Variants in XXYLT1 observed in about 807,000 individuals in gnomAD.
XXYLT1 encodes xyloside xylosyltransferase 1, also known as UDP-xylose:alpha-xyloside alpha-1,3-xylosyltransferase.
XXYLT1 carries 20 observed loss-of-function variants against 28.9 expected under a neutral mutation model. The observed-to-expected ratio is 0.69, with a 90% CI of 0.49 to 1.00. The LOEUF is 1.00. Among genes scored for constraint, XXYLT1 ranks in the 50% least tolerant of loss-of-function variants. XXYLT1 has a pLI of 0.00. For synonymous variants in XXYLT1, 257 were observed against 253.8 expected (o/e 1.01, Z -0.12); for missense variants, 542 against 560.1 (o/e 0.97, Z 0.33).
chr3:195,132,699 G>A (rs751557820), intron 3 of XXYLT1, among the ~76,000 whole-genome samples: 8 of 152,174 alleles, frequency 5.3e-5, no homozygotes, highest in South Asian at 2.1e-4. Context: ...AAGGAGGAAC[G>A]CCACGGTTTT....
intron 1 of XXYLT1, among the ~76,000 whole-genome samples, chr3:195,251,788 G>T (rs948332062): frequency 2.6e-5 from 4 of 152,218 alleles, no homozygotes; most frequent in African/African-American, 9.7e-5. Context: ...AAGAGAACAT[G>T]GAATGGGAAG....
At chr3:195,138,398 TA>T (rs1719306393) in intron 3 of XXYLT1, among the ~76,000 whole-genome samples, 2 of 152,262 alleles carry the variant, frequency 1.3e-5, no homozygotes, top group Non-Finnish European at 2.9e-5. Context: ...GGTCCTTGAC[TA>T]ATAAGGTCAT....
At chr3:195,156,378 G>C (rs1322815591) in intron 3 of XXYLT1, 71 bp downstream of exon 3, 1 of 1,574,192 alleles carries the variant, frequency 6.4e-7, no homozygotes, top group Non-Finnish European at 8.6e-7. Context: ...AATCTGTCAC[G>C]GCTGGCAGAA....
intron 3 of XXYLT1, among the ~76,000 whole-genome samples, chr3:195,116,339 T>C (rs1718041647): frequency 6.6e-6 from 1 of 152,204 alleles, no homozygotes; most frequent in Non-Finnish European, 1.5e-5. Context: ...CCAATTTTAA[T>C]GTTTCTGTGA....
chr3:195,223,503 A>G (rs1332030370), intron 2 of XXYLT1, among the ~76,000 whole-genome samples: 1 of 152,236 alleles, frequency 6.6e-6, no homozygotes, highest in African/African-American at 2.4e-5. Flanking sequence ...AGAATAGCCA[A>G]TGTAACAAGA....
chr3:195,244,431 G>A (rs1431580032), intron 1 of XXYLT1, among the ~76,000 whole-genome samples: 2 of 152,170 alleles, frequency 1.3e-5, no homozygotes, highest in African/African-American at 4.8e-5. Context: ...GAGATTCTGA[G>A]TCAGGGTCGG....
intron 3 of XXYLT1, among the ~76,000 whole-genome samples, chr3:195,103,422 G>A (rs1342444793): frequency 1.4e-5 from 2 of 148,104 alleles, no homozygotes; most frequent in Admixed American, 6.6e-5. Context: ...CCACGCCAGC[G>A]GCCTGCGTCC....
At chr3:195,153,426 T>A (rs79738899) in intron 3 of XXYLT1, among the ~76,000 whole-genome samples, 5,149 of 152,094 alleles carry the variant, frequency 0.034, 172 homozygotes, top group East Asian at 0.15. Context: ...TTATTAAAGG[T>A]CTCTGGAAAC....
chr3:195,270,384 G>GACACGCCCCCGA, intron 1 of XXYLT1, 171 bp downstream of exon 1: 1 of 970,052 alleles, frequency 1.0e-6, no homozygotes, highest in Non-Finnish European at 1.2e-6. Flanking sequence ...CTGGCTCCCG[G>GACACGCCCCCGA]ACACGCCCCC....
chr3:195,212,751 C>T (rs577891328), intron 2 of XXYLT1, among the ~76,000 whole-genome samples: 26 of 152,338 alleles, frequency 1.7e-4, no homozygotes, highest in African/African-American at 6.0e-4. Flanking sequence ...CCAACCACCC[C>T]TCGGTCCACT....
At chr3:195,219,325 G>C (rs988316203) in intron 2 of XXYLT1, among the ~76,000 whole-genome samples, 1 of 152,236 alleles carries the variant, frequency 6.6e-6, no homozygotes, top group Non-Finnish European at 1.5e-5. Context: ...CCATGGCAGT[G>C]AGTAAAAGTA....
intron 3 of XXYLT1, among the ~76,000 whole-genome samples, chr3:195,084,825 T>C (rs7630310): frequency 0.035 from 5,322 of 152,162 alleles, 313 homozygotes; most frequent in African/African-American, 0.12. Context: ...ACAGACACCC[T>C]CATCCTGGAG....
intron 3 of XXYLT1, among the ~76,000 whole-genome samples, chr3:195,100,824 A>G (rs1447273254): frequency 6.6e-6 from 1 of 152,186 alleles, no homozygotes; most frequent in African/African-American, 2.4e-5. Flanking sequence ...TTTCTGTCCT[A>G]TTAAACTGTG....
intron 2 of XXYLT1, among the ~76,000 whole-genome samples, chr3:195,226,273 TTTGCA>T (rs1390150115): frequency 5.9e-5 from 9 of 152,226 alleles, no homozygotes; most frequent in African/African-American, 2.2e-4. Context: ...ATGGTCGTAA[TTTGCA>T]CCTCTCACAT....
chr3:195,112,513 CCCACACACA>C (rs764690822), intron 3 of XXYLT1, among the ~76,000 whole-genome samples: 2 of 142,572 alleles, frequency 1.4e-5, no homozygotes, highest in African/African-American at 5.5e-5. Context: ...CCCACACACA[CCCACACACA>C]CACACAGAGC....
intron 3 of XXYLT1, among the ~76,000 whole-genome samples, chr3:195,099,785 C>G (rs574867217): frequency 6.9e-6 from 1 of 145,008 alleles, no homozygotes; most frequent in African/African-American, 2.6e-5. Context: ...GAGCTGAGAT[C>G]GCGCCACTGC....
rs368635647 is a variant in XXYLT1, at chr3:195,117,532, G to T, written c.785+38917C>A. 7.4e-4 allele frequency among the ~76,000 whole-genome samples: 112 copies of T among 152,290 alleles called. 1 individual carries two copies. Among genetic ancestry groups the T allele is most frequent in the African/African-American group, 2.5e-3 (105 of 41,542 alleles). ...GTTGATGTGTGTCATAAGTGTCTAT[G>T]ACTTTTATAAGCACAGATAAACATA... On this transcript the variant is annotated intron_variant, in intron 3 of 3. Coordinates refer to ENST00000310380, the MANE Select transcript of XXYLT1 (RefSeq NM_152531.5).
intron 1 of XXYLT1, among the ~76,000 whole-genome samples, chr3:195,265,300 G>A (rs1168042024): frequency 1.3e-5 from 2 of 151,594 alleles, no homozygotes; most frequent in African/African-American, 2.4e-5. Context: ...AAAGGAGGCA[G>A]AGGCTGCAGT....
At chr3:195,073,500 A>G (rs906645958) in intron 3 of XXYLT1, among the ~76,000 whole-genome samples, 2 of 152,036 alleles carry the variant, frequency 1.3e-5, no homozygotes, top group Non-Finnish European at 2.9e-5. Context: ...CATGCCCACA[A>G]CCCAGCCACT....
Sources: gnomAD v4.1 joint callset for allele counts (sites outside exome capture counted in the v4.1 genomes callset) on GRCh38, gnomAD v4.1.1 for gene constraint, MANE v1.5 for transcripts, NCBI Gene and HGNC (gene_info 2026-07-23, HGNC 2026-07-21) for gene names.